The following CFAP44 variants were observed in gnomAD, a reference collection of about 807,000 sequenced individuals.
CFAP44 encodes cilia and flagella associated protein 44.
CFAP44 carries 134 observed loss-of-function variants against 216.2 expected under a neutral mutation model. The observed-to-expected ratio is 0.62, with a 90% CI of 0.54 to 0.72. The LOEUF (loss-of-function observed/expected upper bound fraction) is 0.72, where lower values mean the gene tolerates loss of function less well. Among genes scored for constraint, CFAP44 ranks in the 30% least tolerant of loss-of-function variants. The pLI is 0.00. For synonymous variants in CFAP44, 700 were observed against 727.6 expected (o/e 0.96, Z 0.61); for missense variants, 2,035 against 2,182.1 (o/e 0.93, Z 1.34).
chr3:113,356,878 C>T (rs986301651), intron 22 of CFAP44, among the ~76,000 whole-genome samples: 1 of 151,908 alleles, frequency 6.6e-6, no homozygotes, highest in Non-Finnish European at 1.5e-5. Context: ...CATACTACAG[C>T]AAGGTATTTT....
chr3:113,315,172 C>G (rs745905862), intron 28 of CFAP44, among the ~76,000 whole-genome samples: 1 of 151,982 alleles, frequency 6.6e-6, no homozygotes, highest in East Asian at 1.9e-4. Flanking sequence ...TCCAATCATA[C>G]GCTGACTACC....
At chr3:113,362,705 C>T (rs948808315) in intron 21 of CFAP44, 12 of 323,854 alleles carry the variant, frequency 3.7e-5, no homozygotes, top group East Asian at 2.3e-4. Context: ...CACAGTCTTC[C>T]GATAGCAATA....
intron 15 of CFAP44, among the ~76,000 whole-genome samples, chr3:113,391,080 T>C (rs561438832): frequency 1.3e-5 from 2 of 152,144 alleles, no homozygotes; most frequent in Non-Finnish European, 2.9e-5. Context: ...TCACATTAGC[T>C]GACTTCAAGT....
At chr3:113,315,612 C>A (rs999044723) in intron 28 of CFAP44, among the ~76,000 whole-genome samples, 5 of 152,122 alleles carry the variant, frequency 3.3e-5, no homozygotes, top group Non-Finnish European at 5.9e-5. Context: ...ACACTCCACC[C>A]AAAACAGCAG....
intron 24 of CFAP44, among the ~76,000 whole-genome samples, chr3:113,336,056 A>G (rs1261884635): frequency 6.6e-6 from 1 of 152,212 alleles, no homozygotes; most frequent in East Asian, 1.9e-4. Flanking sequence ...TGTGTAATGC[A>G]GCTAACTCAA....
At chr3:113,360,205 G>C (rs1021408363) in intron 21 of CFAP44, 1 of 153,578 alleles carries the variant, frequency 6.5e-6, no homozygotes, top group African/African-American at 2.4e-5. Context: ...CAAACATACT[G>C]ACTGGCCAGA....
At chr3:113,342,038 A>T (rs1005318497) in intron 23 of CFAP44, 120 bp from the exon 24 acceptor site, 1 of 1,226,754 alleles carries the variant, frequency 8.2e-7, no homozygotes, top group African/African-American at 1.6e-5. Context: ...TGTAAATCAA[A>T]GTATTTATTG....
chr3:113,360,948 A>G, intron 21 of CFAP44: 1 of 239,920 alleles, frequency 4.2e-6, no homozygotes, highest in Non-Finnish European at 8.8e-6. Flanking sequence ...AGGCAGTTGA[A>G]TTTGTTTTAT....
At position 113,330,417 on chromosome 3, in the gene CFAP44, T is replaced by C; in HGVS notation, c.3867A>G (p.Glu1289=). The C allele has an allele frequency of 6.5e-7, 1 of 1,537,376 alleles. No homozygotes were observed. Among genetic ancestry groups the C allele is most frequent in the Non-Finnish European group, 8.7e-7 (1 of 1,146,916 alleles). Residue 1289 remains glutamate, a synonymous_variant, in exon 26 of 35, where the codon GAA becomes GAG. Coordinates refer to ENST00000393845, the MANE Select transcript of CFAP44 (RefSeq NM_001164496.2). ...CTGTCTGTTCCACTCCGGGGGACTT[T>C]TCATCTTTACTTTTCATTTGCTGTT... ...FKQQQMKSKD[E]KSPGVEQTGS...
At chr3:113,299,432 T>G (rs1478547000) in intron 32 of CFAP44, among the ~76,000 whole-genome samples, 4 of 152,170 alleles carry the variant, frequency 2.6e-5, no homozygotes, top group Non-Finnish European at 5.9e-5. Flanking sequence ...GATGAGGATG[T>G]AGAGAAAACG....
At chr3:113,309,419 T>C (rs1950017242) in intron 28 of CFAP44, among the ~76,000 whole-genome samples, 1 of 152,202 alleles carries the variant, frequency 6.6e-6, no homozygotes, top group South Asian at 2.1e-4. Context: ...GCCCCATCTC[T>C]CTTCCCTGCT....
At chr3:113,362,835 T>C (rs17882622) in intron 21 of CFAP44, 245,521 of 1,092,542 alleles carry the variant, frequency 0.22, 28,487 homozygotes, top group East Asian at 0.43. Context: ...CTGTTATTCA[T>C]GTCTCTATAA....
At chr3:113,332,832 C>G (rs1950251778) in intron 25 of CFAP44, among the ~76,000 whole-genome samples, 1 of 152,114 alleles carries the variant, frequency 6.6e-6, no homozygotes, top group Non-Finnish European at 1.5e-5. Context: ...CCTTTTAAAT[C>G]TAAGTCTTTG....
chr3:113,358,980 A>G (rs1488359383), intron 21 of CFAP44, 105 bp from the exon 22 acceptor site: 5 of 1,316,610 alleles, frequency 3.8e-6, no homozygotes, highest in Non-Finnish European at 5.0e-6. Context: ...CTCTTCCCCA[A>G]ATATCATAAA....
At chr3:113,332,442 T>G (rs1034649868) in intron 25 of CFAP44, among the ~76,000 whole-genome samples, 30 of 152,196 alleles carry the variant, frequency 2.0e-4, no homozygotes, top group African/African-American at 7.0e-4. Flanking sequence ...TCATTTTCAT[T>G]TGTCAGAAAA....
intron 13 of CFAP44, among the ~76,000 whole-genome samples, chr3:113,399,269 T>C (rs1032940042): frequency 2.2e-4 from 33 of 152,134 alleles, no homozygotes; most frequent in Admixed American, 1.6e-3. Context: ...AGACAATCCA[T>C]CTCTGCTGTC....
rs114747999 is a variant in CFAP44, at chr3:113,347,477, G to A, written c.3066-2765C>T. 4.6e-3 allele frequency among the ~76,000 whole-genome samples: 699 copies of A among 152,136 alleles called. 5 individuals carry two copies. Among genetic ancestry groups the A allele is most frequent in the African/African-American group, 0.016 (673 of 41,484 alleles). On this transcript the variant is annotated intron_variant, in intron 22 of 34. Transcript: ENST00000393845. ...GCCTCTCTTCTCTGAGGCTAATCCC[G>A]CTTCTAAAAACTACCCCGTCTCTGG...
At chr3:113,360,284 T>A (rs1950526645) in intron 21 of CFAP44, 3 of 196,740 alleles carry the variant, frequency 1.5e-5, no homozygotes, top group Non-Finnish European at 3.3e-5. Context: ...TCAAGTGAGA[T>A]ACACCAGACA....
At chr3:113,429,916 G>A (rs555542789) in intron 2 of CFAP44, among the ~76,000 whole-genome samples, 1 of 152,136 alleles carries the variant, frequency 6.6e-6, no homozygotes, top group South Asian at 2.1e-4. Flanking sequence ...GCAATTGATA[G>A]AACAACTAGT....
Sources: gnomAD v4.1 joint callset for allele counts (sites outside exome capture counted in the v4.1 genomes callset) on GRCh38, gnomAD v4.1.1 for gene constraint, MANE v1.5 for transcripts, NCBI Gene and HGNC (gene_info 2026-07-23, HGNC 2026-07-21) for gene names.